ESYT2: variants seen among roughly 807,000 people sequenced by gnomAD.
ESYT2 encodes extended synaptotagmin-2.
ESYT2 carries 54 observed loss-of-function variants against 107.2 expected under a neutral mutation model. The observed-to-expected ratio is 0.50, with a 90% CI of 0.40 to 0.63. The LOEUF (loss-of-function observed/expected upper bound fraction) is 0.63. ESYT2 is among the 30% of genes least tolerant of loss of function. The pLI is 0.00. For synonymous variants in ESYT2, 491 were observed against 434.1 expected (o/e 1.13, Z -1.63); for missense variants, 1,020 against 1,094.5 (o/e 0.93, Z 0.96).
intron 1 of ESYT2, among the ~76,000 whole-genome samples, chr7:158,800,798 G>A (rs1437470063): frequency 2.7e-5 from 4 of 148,346 alleles, no homozygotes; most frequent in Admixed American, 1.3e-4. Flanking sequence ...GCACGATCTC[G>A]ACTCGCCACA....
intron 15 of ESYT2, among the ~76,000 whole-genome samples, chr7:158,748,537 C>T (rs965937185): frequency 6.6e-5 from 10 of 152,140 alleles, no homozygotes; most frequent in African/African-American, 2.4e-4. Flanking sequence ...CCAACCTGTG[C>T]GCCCACAGAT....
rs954523077 is a variant in ESYT2 at position 158,755,683 on chromosome 7, G to C, written c.1420-2840C>G. ...TCACTTTGACTTTAAAAAGGCCTTAGACATATATGAGTAGACAGCCAGAGA... is the reference window on the plus strand; with the variant it reads ...TCACTTTGACTTTAAAAAGGCCTTACACATATATGAGTAGACAGCCAGAGA... On this transcript the variant is annotated intron_variant, in intron 13 of 22. Coordinates refer to ENST00000275418, the MANE Select transcript of ESYT2 (RefSeq NM_001367773.1). Among the ~76,000 whole-genome samples, 13 of 152,192 alleles carry C rather than the reference G, an allele frequency of 8.5e-5. No homozygotes were observed. In the South Asian group the frequency reaches 2.5e-3, roughly 29 times the overall value.
chr7:158,826,004 G>T (rs1840427904), intron 1 of ESYT2, among the ~76,000 whole-genome samples: 1 of 147,168 alleles, frequency 6.8e-6, no homozygotes, highest in African/African-American at 2.6e-5. Context: ...GGACAACGCG[G>T]TAAGAACTCA....
chr7:158,813,622 T>A (rs55904894), intron 1 of ESYT2, among the ~76,000 whole-genome samples: 1 of 152,194 alleles, frequency 6.6e-6, no homozygotes, highest in Non-Finnish European at 1.5e-5. Context: ...CCATTGCTAG[T>A]AGACTTGCAC....
In ESYT2 at chr7:158,741,875, C is replaced by T. The variant is rs940905049; in HGVS notation, c.1816G>A (p.Glu606Lys). 5 of 1,606,464 alleles carry T rather than the reference C, an allele frequency of 3.1e-6. No individual in the cohort carries two copies. Among genetic ancestry groups the T allele is most frequent in the Non-Finnish European group, 8.5e-7 (1 of 1,176,984 alleles). The change falls in exon 18 of 23, where the codon GAA becomes AAA. Residue 606 changes from glutamate to lysine, a missense_variant. Physicochemically the swap from Glu to Lys is moderately conservative, Grantham distance 56. Coordinates refer to ENST00000275418, the MANE Select transcript of ESYT2 (RefSeq NM_001367773.1). Reference protein sequence around the residue: ...ALRVLHLEKRERPPDHQHSAQ... With the variant: ...ALRVLHLEKRKRPPDHQHSAQ... Reference sequence around the variant, plus strand: ...GAGTGTTGGTGGTCTGGAGGCCTTTCTCGCTTTTCGAGATGGAGCACCTAG... The same window carrying T: ...GAGTGTTGGTGGTCTGGAGGCCTTTTTCGCTTTTCGAGATGGAGCACCTAG...
intron 8 of ESYT2, among the ~76,000 whole-genome samples, chr7:158,767,281 T>C (rs1445204456): frequency 6.6e-6 from 1 of 152,234 alleles, no homozygotes; most frequent in Non-Finnish European, 1.5e-5. Flanking sequence ...TCATCATGAC[T>C]GCCAGGAAAA....
In ESYT2 at chr7:158,829,253, G is replaced by A. The variant is rs1297121797; in HGVS notation, c.166C>T (p.Leu56=). The A allele has an allele frequency of 2.6e-6, 4 of 1,526,764 alleles. No individual in the cohort carries two copies. The highest frequency in any genetic ancestry group is 3.5e-6 in the Non-Finnish European group (4 of 1,145,528). 94.6% of individuals were successfully genotyped at this position (1,526,764 alleles called of 1,614,324 possible). The change falls in exon 1 of 23, where the codon CTG becomes TTG. Residue 56 remains leucine (L), a synonymous_variant. Coordinates refer to ENST00000275418, the MANE Select transcript of ESYT2 (RefSeq NM_001367773.1). ...LLLPVYALGY[L]GLSFSWVLLA... ...AGAACCCAGCTGAAGCTGAGCCCCA[G>A]GTAGCCCAGCGCGTACACGGGCAGC...
rs142145202 is a variant in ESYT2 at position 158,768,133 on chromosome 7, T to G, written c.804-359A>C. ...AATGTATTCCTACTTCATCACAGAT[T>G]TTATACTTATTTACTAAAATACACC... is the stretch of plus-strand genomic sequence containing the variant. On this transcript the variant is annotated intron_variant, in intron 7 of 22. Transcript: ENST00000275418. Among the ~76,000 whole-genome samples, 910 of 152,330 alleles carry G rather than the reference T, an allele frequency of 6.0e-3. 7 individuals carry two copies. The highest frequency in any genetic ancestry group is 0.021 in the African/African-American group (857 of 41,578).
In ESYT2 at chr7:158,797,435, G is replaced by A. The variant is rs373692392; in HGVS notation, c.507+507C>T. Among the ~76,000 whole-genome samples, 5 of 152,020 alleles carry A rather than the reference G, an allele frequency of 3.3e-5. No individual in the cohort carries two copies. In the East Asian group the frequency reaches 9.6e-4, roughly 29 times the overall value. ...GCATGAGCCACTGCTTCCAGCTGAA[G>A]TTGTTTAAAAAACATATACCCAGCT... On this transcript the variant is annotated intron_variant, in intron 3 of 22. Transcript: ENST00000275418.
chr7:158,788,291 G>A (rs914338300), intron 5 of ESYT2, 54 bp downstream of exon 5: 6 of 1,514,364 alleles, frequency 4.0e-6, no homozygotes, highest in African/African-American at 2.8e-5. Flanking sequence ...TTTGAATACA[G>A]CTTAGAGAAC....
At chr7:158,756,864 A>G (rs750328720) in intron 13 of ESYT2, among the ~76,000 whole-genome samples, 29 of 148,944 alleles carry the variant, frequency 1.9e-4, no homozygotes, top group Non-Finnish European at 3.0e-4. Context: ...AGCCGAGACC[A>G]TGCCATTGCA....
chr7:158,761,355 T>A (rs112570101), intron 11 of ESYT2, 141 bp downstream of exon 11: 1 of 689,444 alleles, frequency 1.5e-6, no homozygotes, highest in Admixed American at 2.5e-5. Flanking sequence ...TCTTAGTATA[T>A]GTTAAGTAAA....
rs187174885 is a variant in ESYT2 at position 158,807,391 on chromosome 7, G to A, written c.331-8319C>T. 2.0e-5 allele frequency among the ~76,000 whole-genome samples: 3 copies of A among 152,136 alleles called. No homozygotes were observed. The East Asian group carries it at 5.8e-4, about 29-fold the overall frequency. On this transcript the variant is annotated intron_variant, in intron 1 of 22. Transcript: ENST00000275418. ...AAGAAATAAGTTTATGTATCTCCTAGGAGCTTAACTTTATTCTCATGCAGA... is the reference window on the plus strand; with the variant it reads ...AAGAAATAAGTTTATGTATCTCCTAAGAGCTTAACTTTATTCTCATGCAGA...
chr7:158,768,742 T>C (rs563261845), intron 7 of ESYT2, among the ~76,000 whole-genome samples: 8 of 152,326 alleles, frequency 5.3e-5, no homozygotes, highest in South Asian at 2.1e-4. Context: ...AATATATCTT[T>C]TTTGGCCGGG....
At chr7:158,768,937 G>A (rs533443354) in intron 7 of ESYT2, among the ~76,000 whole-genome samples, 1 of 152,344 alleles carries the variant, frequency 6.6e-6, no homozygotes, top group African/African-American at 2.4e-5. Flanking sequence ...TAATGCATAT[G>A]TGGCAGCACT....
At chr7:158,757,630 G>A (rs991923918) in intron 13 of ESYT2, among the ~76,000 whole-genome samples, 36 of 152,100 alleles carry the variant, frequency 2.4e-4, no homozygotes, top group African/African-American at 8.2e-4. Context: ...TAGAGCCCGC[G>A]GGACGCCCCT....
At chr7:158,778,745 T>C (rs1048633789) in intron 6 of ESYT2, among the ~76,000 whole-genome samples, 2 of 152,112 alleles carry the variant, frequency 1.3e-5, no homozygotes, top group Admixed American at 1.3e-4. Flanking sequence ...ATCCACAGAG[T>C]ACAAAACATG....
At chr7:158,819,958 G>T (rs1021934107) in intron 1 of ESYT2, among the ~76,000 whole-genome samples, 8 of 152,072 alleles carry the variant, frequency 5.3e-5, no homozygotes, top group South Asian at 2.1e-4. Context: ...ATTCCAGCAC[G>T]CAATCACCAA....
At chr7:158,781,372 G>A (rs1838795415) in intron 6 of ESYT2, among the ~76,000 whole-genome samples, 1 of 151,664 alleles carries the variant, frequency 6.6e-6, no homozygotes, top group Non-Finnish European at 1.5e-5. Context: ...GAGAACAAGT[G>A]TGAGAGTGAA....
Sources: gnomAD v4.1 joint callset for allele counts (sites outside exome capture counted in the v4.1 genomes callset) on GRCh38, gnomAD v4.1.1 for gene constraint, MANE v1.5 for transcripts, NCBI Gene and HGNC (gene_info 2026-07-23, HGNC 2026-07-21) for gene names.